WNK2: variants seen among roughly 807,000 people sequenced by gnomAD.
WNK2 encodes the protein WNK lysine deficient protein kinase 2, also known as serine/threonine-protein kinase WNK2.
In WNK2, 67 loss-of-function variants were observed where a neutral mutation model predicts 192.1. That is an observed-to-expected ratio of 0.35 (90% CI 0.29 to 0.43). The LOEUF is 0.43. Ranked by LOEUF, WNK2 falls within the 20% of genes least tolerant of loss-of-function variation. The probability of loss-of-function intolerance (pLI) is 1.00; values close to 1 mark genes in which losing one functional copy is unlikely to be tolerated. For missense variants in WNK2, 2,698 were observed against 3,089.7 expected, an observed-to-expected ratio of 0.87 and a Z score of 3.01; for synonymous variants, 1,439 against 1,393.9, an observed-to-expected ratio of 1.03 and a Z score of -0.72.
chr9:93,219,164 G>T (rs1227270848), intron 2 of WNK2, among the ~76,000 whole-genome samples: 1 of 152,284 alleles, frequency 6.6e-6, no homozygotes, highest in Non-Finnish European at 1.5e-5. Context: ...CCAGCCTGAT[G>T]GCAGGTGCCT....
intron 7 of WNK2, among the ~76,000 whole-genome samples, chr9:93,242,849 G>A (rs1226028214): frequency 6.6e-6 from 1 of 152,230 alleles, no homozygotes; most frequent in Non-Finnish European, 1.5e-5. Flanking sequence ...TGGGCCAAGG[G>A]CAAGGATAGG....
intron 19 of WNK2, among the ~76,000 whole-genome samples, chr9:93,277,029 C>A (rs547409363): frequency 6.7e-6 from 1 of 149,240 alleles, no homozygotes; most frequent in Non-Finnish European, 1.5e-5. Context: ...AGCTAGACTC[C>A]GTCTCAAAAA....
rs1025959004 is a variant in WNK2, at chr9:93,292,704, C to T, written c.5239C>T (p.Arg1747Cys). 9.6e-6 allele frequency: 15 copies of T among 1,567,332 alleles called. No homozygotes were observed. The highest frequency in any genetic ancestry group is 1.7e-4 in the Middle Eastern group (1 of 6,040). The change falls in exon 23 of 30, where the codon CGT becomes TGT. Residue 1747 changes from arginine (R) to cysteine (C), a missense_variant. This residue lies in a region of WNK2 where 1,098 missense variants were observed against 1,101.0 expected (regional missense o/e 1.00). Coordinates refer to ENST00000427277, the MANE Select transcript of WNK2 (RefSeq NM_006648.4). ...CAGCTCACCAGCCAAGACTGTGGGCCGTTTCTCGGTGGTCAGCACTCAGGA... is the reference window on the plus strand; with the variant it reads ...CAGCTCACCAGCCAAGACTGTGGGCTGTTTCTCGGTGGTCAGCACTCAGGA... The part of the protein sequence containing the change: ...DVSSPAKTVG[R>C]FSVVSTQDEW...
chr9:93,310,500 C>T (rs562039467), intron 28 of WNK2, among the ~76,000 whole-genome samples: 5 of 152,094 alleles, frequency 3.3e-5, no homozygotes, highest in East Asian at 1.9e-4. Flanking sequence ...CATTTTCAAG[C>T]GTACAGTTCA....
intron 2 of WNK2, among the ~76,000 whole-genome samples, chr9:93,206,936 T>TG (rs1167091337): frequency 2.6e-5 from 4 of 152,116 alleles, no homozygotes; most frequent in African/African-American, 9.7e-5. Context: ...TGCCACCCCC[T>TG]GGGAATGTAG....
intron 19 of WNK2, among the ~76,000 whole-genome samples, chr9:93,280,062 C>G (rs1564156133): frequency 6.6e-6 from 1 of 152,156 alleles, no homozygotes; most frequent in Non-Finnish European, 1.5e-5. Flanking sequence ...CTGAATTCGT[C>G]AAAGTTTAAA....
At chr9:93,203,108 T>G (rs1832776258) in intron 2 of WNK2, among the ~76,000 whole-genome samples, 1 of 144,160 alleles carries the variant, frequency 6.9e-6, no homozygotes, top group African/African-American at 2.6e-5. Flanking sequence ...GCTGGAGGGG[T>G]GGGGCCCAGA....
chr9:93,256,667 A>C (rs1471561192), intron 10 of WNK2: 1 of 681,786 alleles, frequency 1.5e-6, no homozygotes, highest in Non-Finnish European at 2.4e-6. Context: ...GTGTGCGTGC[A>C]TAGTGTTCGC....
Position 93,268,031 on chromosome 9 carries a change from A to G in WNK2, c.3879A>G (p.Gln1293=), listed in dbSNP as rs1052548437. 6.2e-7 allele frequency: 1 copy of G among 1,612,346 alleles called. No individual in the cohort carries two copies. The highest frequency in any genetic ancestry group is 8.5e-7 in the Non-Finnish European group (1 of 1,179,276). Residue 1293 remains glutamine, a synonymous_variant, in exon 18 of 30, where the codon CAA becomes CAG. Transcript: ENST00000427277. The part of the protein sequence containing the change: ...CGLGTGEESR[Q]SQANAPVYQQ... ...TCCACCTCATTCAGGAGAGCCGACA[A>G]TCCCAAGCCAACGCCCCCGTGTATC...
In WNK2 at chr9:93,293,189, A is replaced by G; in HGVS notation, c.5708+16A>G. On this transcript the variant is annotated intron_variant, in intron 23 of 29. Coordinates refer to ENST00000427277, the MANE Select transcript of WNK2 (RefSeq NM_006648.4). Reference sequence around the variant, plus strand: ...TGCGGGAGAAGTAGGTCCTGCGGGCAGGAAGTGTTGCCCCCGCCCCTGGGC... The same window carrying G: ...TGCGGGAGAAGTAGGTCCTGCGGGCGGGAAGTGTTGCCCCCGCCCCTGGGC... 6.9e-7 allele frequency: 1 copy of G among 1,449,084 alleles called. No individual in the cohort carries two copies. Among genetic ancestry groups the G allele is most frequent in the Non-Finnish European group, 9.0e-7 (1 of 1,106,218 alleles). The allele number at this position is 1,449,084 out of a possible 1,614,324, so 89.8% of individuals were successfully genotyped here.
chr9:93,289,850 A>G, intron 20 of WNK2, 128 bp from the exon 21 acceptor site: 2 of 972,760 alleles, frequency 2.1e-6, no homozygotes, highest in Non-Finnish European at 3.0e-6. Context: ...AGCCCCATCC[A>G]TGCACACACA....
rs181791909 is a variant in WNK2, at chr9:93,187,989, C to T, written c.681+2379C>T. 6.6e-4 allele frequency among the ~76,000 whole-genome samples: 100 copies of T among 152,134 alleles called. 1 individual carries two copies. Among genetic ancestry groups the T allele is most frequent in the East Asian group, 1.4e-3 (7 of 5,182 alleles). ...TTCTCTAGGTGTGTTGGCTTTGTGT[C>T]GTGAGGGGCTCTCTTAGTCCACAGT... On this transcript the variant is annotated intron_variant, in intron 2 of 29. Transcript: ENST00000427277.
intron 19 of WNK2, among the ~76,000 whole-genome samples, chr9:93,279,529 G>A (rs909363927): frequency 6.6e-6 from 1 of 152,204 alleles, no homozygotes; most frequent in Non-Finnish European, 1.5e-5. Flanking sequence ...CCAATGAGCT[G>A]CAGTCAGAAG....
At chr9:93,282,463 GAA>G (rs573286231) in intron 19 of WNK2, among the ~76,000 whole-genome samples, 4 of 126,624 alleles carry the variant, frequency 3.2e-5, no homozygotes, top group African/African-American at 8.7e-5. Flanking sequence ...TCTCAAAAGT[GAA>G]AAAAAAAAAA....
At chr9:93,212,706 G>A (rs1276380058) in intron 2 of WNK2, among the ~76,000 whole-genome samples, 1 of 152,188 alleles carries the variant, frequency 6.6e-6, no homozygotes, top group African/African-American at 2.4e-5. Context: ...AGCCCTCAGG[G>A]TAGAAGTCCT....
At position 93,229,302 on chromosome 9, in the gene WNK2, T is replaced by A. The variant is rs1424071897; in HGVS notation, c.682-394T>A. Among the ~76,000 whole-genome samples, 1 of 152,206 alleles carries A rather than the reference T, an allele frequency of 6.6e-6. No homozygotes were observed. Among genetic ancestry groups the A allele is most frequent in the African/African-American group, 2.4e-5 (1 of 41,450 alleles). ...TCTAATCCACTGGGCCCTGAGTACT[T>A]CTTCTGAGTTGTGTATACGTTAGAA... On this transcript the variant is annotated intron_variant, in intron 2 of 29. Transcript: ENST00000427277. The surrounding 1 kb of genome is among the most constrained non-coding windows in gnomAD (Gnocchi z 4.9).
intron 23 of WNK2, among the ~76,000 whole-genome samples, chr9:93,295,967 T>C (rs1295588757): frequency 3.3e-5 from 4 of 122,570 alleles, no homozygotes; most frequent in South Asian, 3.3e-4. Flanking sequence ...CCTCTCTCCA[T>C]CCTCCCCTCA....
intron 2 of WNK2, among the ~76,000 whole-genome samples, chr9:93,213,809 A>G (rs1370065085): frequency 6.6e-6 from 1 of 152,198 alleles, no homozygotes; most frequent in Non-Finnish European, 1.5e-5. Flanking sequence ...ACAAAACAAA[A>G]CAAAAAGTTA....
chr9:93,317,473 G>A (rs1854902770), intron 28 of WNK2, 47 bp from the exon 29 acceptor site: 2 of 1,596,936 alleles, frequency 1.3e-6, no homozygotes, highest in African/African-American at 1.3e-5. Flanking sequence ...GAGGCCAGCT[G>A]ATTGCAGCCA....
Sources: allele counts gnomAD v4.1 joint callset (sites outside exome capture counted in the v4.1 genomes callset), GRCh38; gene constraint gnomAD v4.1.1; regional missense constraint gnomAD v4.1.1; non-coding constraint Gnocchi (gnomAD v3.1); transcripts MANE v1.5; gene names NCBI Gene and HGNC (gene_info 2026-07-23, HGNC 2026-07-21).